Variants in DIP2C observed in about 807,000 individuals in gnomAD.
DIP2C encodes the protein DIP2 acetate--CoA ligase C (putative), also known as disco-interacting protein 2 homolog C.
A neutral mutation model predicts 192.4 loss-of-function variants in DIP2C; 33 were observed. The ratio of observed to expected loss-of-function variants is 0.17; its 90% CI spans 0.13 to 0.23. DIP2C has a LOEUF of 0.23. DIP2C is among the 10% of genes least tolerant of loss of function. The pLI, the probability that DIP2C is intolerant of heterozygous loss-of-function variation, is 1.00. For synonymous variants in DIP2C, 979 were observed against 864.1 expected, an observed-to-expected ratio of 1.13 and a Z score of -2.33; for missense variants, 1,537 against 2,110.1, an observed-to-expected ratio of 0.73 and a Z score of 5.32.
chr10:629,304 C>G (rs538906725), intron 1 of DIP2C, among the ~76,000 whole-genome samples: 7 of 152,254 alleles, frequency 4.6e-5, no homozygotes, highest in East Asian at 1.9e-4. Flanking sequence ...CAGAGCCACA[C>G]AGAACCAAGA....
chr10:664,150 C>T (rs1856945328), intron 1 of DIP2C: 1 of 152,238 alleles, frequency 6.6e-6, no homozygotes. Flanking sequence ...TCCGTAGTGC[C>T]AAGGGGAAAA....
intron 1 of DIP2C, among the ~76,000 whole-genome samples, chr10:599,038 G>A (rs529910464): frequency 2.8e-4 from 43 of 152,328 alleles, no homozygotes; most frequent in Non-Finnish European, 4.0e-4. Context: ...GGCGAAGACC[G>A]TGTGGAATAA....
intron 2 of DIP2C, among the ~76,000 whole-genome samples, chr10:475,407 G>C (rs765442290): frequency 6.6e-6 from 1 of 152,154 alleles, no homozygotes; most frequent in Admixed American, 6.6e-5. Context: ...GTGGCCTGAC[G>C]TTTTTAATGT....
rs1354129186 is a variant in DIP2C at position 349,268 on chromosome 10, C to A, written c.3109+63G>T. 4 of 1,564,938 alleles carry A rather than the reference C, an allele frequency of 2.6e-6. No homozygotes were observed. In the South Asian group the frequency reaches 4.6e-5, roughly 18 times the overall value. On this transcript the variant is annotated intron_variant, in intron 25 of 36. Transcript: ENST00000280886. ...CTCAGGCACCAGCGGGTGTAAGGGA[C>A]CTCCTCGCACCGCGGCTGACCGGCT...
chr10:669,904 G>C lies in DIP2C; in HGVS notation c.85+19590C>G, dbSNP rs138961641. Among the ~76,000 whole-genome samples the C allele has an allele frequency of 1.8e-4, 27 of 152,232 alleles. No homozygotes were observed. In the East Asian group the frequency reaches 5.0e-3, roughly 28 times the overall value. Reference sequence around the variant, plus strand: ...CAGTACAGAACACTATCTTTGTTTTGGAATTTATTCATTTAATATGACAAT... The same window carrying C: ...CAGTACAGAACACTATCTTTGTTTTCGAATTTATTCATTTAATATGACAAT... On this transcript the variant is annotated intron_variant, in intron 1 of 36. Coordinates refer to ENST00000280886, the MANE Select transcript of DIP2C (RefSeq NM_014974.3).
At chr10:546,990 T>C (rs538936652) in intron 1 of DIP2C, among the ~76,000 whole-genome samples, 122 of 152,294 alleles carry the variant, frequency 8.0e-4, no homozygotes, top group African/African-American at 2.7e-3. Context: ...GTGGCAGAGT[T>C]TGTAAGTCAT....
chr10:310,685 G>A (rs1289615104), intron 31 of DIP2C, among the ~76,000 whole-genome samples: 1 of 152,218 alleles, frequency 6.6e-6, no homozygotes, highest in Non-Finnish European at 1.5e-5. Context: ...TGTGGTCTGA[G>A]CCATTCCACT....
At position 329,615 on chromosome 10, in the gene DIP2C, A is replaced by G. The variant is rs775887830; in HGVS notation, c.3585-14T>C. On this transcript the variant is annotated splice_polypyrimidine_tract_variant and intron_variant, in intron 29 of 36. Coordinates refer to ENST00000280886, the MANE Select transcript of DIP2C (RefSeq NM_014974.3). ...CCAGAATACACACTGCAGAGAAAGA[A>G]GAGGCTGTCAGGGCGGGAGCTCAGC... 8.1e-6 allele frequency: 13 copies of G among 1,612,778 alleles called. No individual in the cohort carries two copies. The highest frequency in any genetic ancestry group is 2.2e-5 in the South Asian group (2 of 90,854).
At chr10:509,702 A>C (rs181191527) in intron 1 of DIP2C, among the ~76,000 whole-genome samples, 2 of 152,224 alleles carry the variant, frequency 1.3e-5, no homozygotes, top group African/African-American at 4.8e-5. Context: ...CATGAGACAC[A>C]GGACACCTCA....
intron 13 of DIP2C, among the ~76,000 whole-genome samples, chr10:389,716 C>A (rs1963302163): frequency 6.6e-6 from 1 of 152,218 alleles, no homozygotes. Flanking sequence ...TACGAGAAAC[C>A]TGGAAGAGAC....
Position 382,753 on chromosome 10 carries a change from A to C in DIP2C, c.1885T>G (p.Ser629Ala). 6.2e-7 allele frequency: 1 copy of C among 1,610,648 alleles called. No individual in the cohort carries two copies. The highest frequency in any genetic ancestry group is 8.5e-7 in the Non-Finnish European group (1 of 1,177,886). Residue 629 changes from serine to alanine, a missense_variant, in exon 17 of 37, where the codon TCT becomes GCT. Physicochemically the swap from Ser to Ala is moderately conservative, Grantham distance 99 (BLOSUM62 1). Around this residue, in one of 4 missense-constraint regions of DIP2C, gnomAD observed 677 missense variants for 989.9 expected, o/e 0.68. Transcript: ENST00000280886. ...ACATTGAGAAATGCATCGCAAGAAG[A>C]AATAGACCCTAGAGTGAAAGAGGGA... ...VADGANPWSI[S>A]SCDAFLNVFQ...
chr10:580,098 T>C (rs1227936533), intron 1 of DIP2C, among the ~76,000 whole-genome samples: 1 of 152,146 alleles, frequency 6.6e-6, no homozygotes, highest in East Asian at 1.9e-4. Flanking sequence ...CATGCACATT[T>C]GTATGTACAT....
intron 4 of DIP2C, among the ~76,000 whole-genome samples, chr10:440,080 T>C (rs1967604436): frequency 6.6e-6 from 1 of 152,218 alleles, no homozygotes; most frequent in African/African-American, 2.4e-5. Flanking sequence ...TAACTACACT[T>C]TCTGCTTTAC....
At chr10:368,400 G>T (rs1255331514) in intron 18 of DIP2C, among the ~76,000 whole-genome samples, 1 of 152,218 alleles carries the variant, frequency 6.6e-6, no homozygotes, top group Non-Finnish European at 1.5e-5. Context: ...GAGCCAGGGG[G>T]GCCTGGCCAC....
chr10:457,675 C>T (rs986881842), intron 3 of DIP2C, among the ~76,000 whole-genome samples: 17 of 152,188 alleles, frequency 1.1e-4, no homozygotes, highest in Non-Finnish European at 7.3e-5. Flanking sequence ...TCCACCTCAG[C>T]CCCCTGGGTA....
chr10:522,683 G>T (rs986233282), intron 1 of DIP2C, among the ~76,000 whole-genome samples: 3 of 152,212 alleles, frequency 2.0e-5, no homozygotes, highest in Non-Finnish European at 4.4e-5. Context: ...TCTTTGTTGG[G>T]GTATCTGTCC....
At chr10:599,452 C>T (rs1300791424) in intron 1 of DIP2C, among the ~76,000 whole-genome samples, 1 of 152,148 alleles carries the variant, frequency 6.6e-6, no homozygotes, top group Non-Finnish European at 1.5e-5. Flanking sequence ...CTTACTAGAC[C>T]AAGAACAAAC....
intron 1 of DIP2C, among the ~76,000 whole-genome samples, chr10:575,677 TCAG>T (rs1298412977): frequency 6.6e-6 from 1 of 152,110 alleles, no homozygotes; most frequent in Non-Finnish European, 1.5e-5. Flanking sequence ...CCAAGCTTGC[TCAG>T]CAGAACTGTT....
chr10:573,976 G>A (rs959660176), intron 1 of DIP2C, among the ~76,000 whole-genome samples: 2 of 152,118 alleles, frequency 1.3e-5, no homozygotes, highest in Non-Finnish European at 2.9e-5. Context: ...CGTTCTGAAC[G>A]GTCCTCCCTG....
Sources: allele counts gnomAD v4.1 joint callset (sites outside exome capture counted in the v4.1 genomes callset), GRCh38; gene constraint gnomAD v4.1.1; regional missense constraint gnomAD v4.1.1; transcripts MANE v1.5; gene names NCBI Gene and HGNC (gene_info 2026-07-23, HGNC 2026-07-21).